Variants in TUNAR observed in about 807,000 individuals in gnomAD.
The protein encoded by TUNAR is protein TUNAR.
At chr14:95,900,512 A>T (rs1440319381) in intron 2 of TUNAR, among the ~76,000 whole-genome samples, 1 of 152,352 alleles carries the variant, frequency 6.6e-6, no homozygotes, top group Non-Finnish European at 1.5e-5. Context: ...TGCTGGCCCC[A>T]GTTGGTGGGA....
At chr14:95,880,539 A>G (rs1297711314) in intron 2 of TUNAR, among the ~76,000 whole-genome samples, 2 of 152,212 alleles carry the variant, frequency 1.3e-5, no homozygotes, top group Admixed American at 6.5e-5. Context: ...TCAATGGGGT[A>G]AGAAGACTAT....
intron 2 of TUNAR, among the ~76,000 whole-genome samples, chr14:95,896,624 G>A (rs1265014827): frequency 6.6e-6 from 1 of 152,200 alleles, no homozygotes; most frequent in African/African-American, 2.4e-5. Context: ...CCTCTGCTCT[G>A]TTTGCCTTAC....
intron 2 of TUNAR, among the ~76,000 whole-genome samples, chr14:95,915,980 C>T (rs1305256524): frequency 6.6e-6 from 1 of 152,064 alleles, no homozygotes; most frequent in Non-Finnish European, 1.5e-5. Context: ...CTTAATATAC[C>T]CAGTCTTTAA....
At chr14:95,876,617 G>C (rs1888882476) in intron 1 of TUNAR, 1 of 152,798 alleles carries the variant, frequency 6.5e-6, no homozygotes, top group South Asian at 2.1e-4. Flanking sequence ...CTGCGCTCTG[G>C]GGCTTGGGGC....
In TUNAR at chr14:95,913,410, A is replaced by C. The variant is rs184203223; in HGVS notation, c.13-9371A>C. ...TCAACTCCCACTTATGAGTGAGAAC[A>C]TGCGGCGTTTGGTTTTCTGTTCCTG... On this transcript the variant is annotated intron_variant, in intron 2 of 2. Coordinates refer to ENST00000678517, the Ensembl canonical transcript of TUNAR. 3.6e-3 allele frequency among the ~76,000 whole-genome samples: 544 copies of C among 152,222 alleles called. 4 individuals carry two copies. Among genetic ancestry groups the C allele is most frequent in the African/African-American group, 0.013 (521 of 41,520 alleles).
At chr14:95,924,607 G>A (rs571135176) in exon 3 of TUNAR, 5 of 152,366 alleles carry the variant, frequency 3.3e-5, no homozygotes, top group East Asian at 1.9e-4. Flanking sequence ...AAGGTGAAAG[G>A]CACGTCTCAC....
chr14:95,897,818 T>G (rs558130207), intron 2 of TUNAR, among the ~76,000 whole-genome samples: 1 of 152,366 alleles, frequency 6.6e-6, no homozygotes, highest in East Asian at 1.9e-4. Context: ...ATCACTTTAT[T>G]GCACAGGATA....
chr14:95,888,188 A>T (rs1451919805), intron 2 of TUNAR, among the ~76,000 whole-genome samples: 1 of 152,218 alleles, frequency 6.6e-6, no homozygotes, highest in East Asian at 1.9e-4. Flanking sequence ...AATGGGCATA[A>T]TAACAACAAT....
At chr14:95,898,693 G>T (rs749157944) in intron 2 of TUNAR, among the ~76,000 whole-genome samples, 3 of 151,960 alleles carry the variant, frequency 2.0e-5, no homozygotes, top group Non-Finnish European at 4.4e-5. Flanking sequence ...TCTTGTCTCT[G>T]ATCATTTCTT....
chr14:95,885,328 G>A (rs1392976771), intron 2 of TUNAR, among the ~76,000 whole-genome samples: 1 of 152,244 alleles, frequency 6.6e-6, no homozygotes, highest in Non-Finnish European at 1.5e-5. Flanking sequence ...GAGGATGAAA[G>A]TAGAGATGTT....
intron 2 of TUNAR, among the ~76,000 whole-genome samples, chr14:95,898,069 T>C (rs1056167485): frequency 6.6e-6 from 1 of 152,184 alleles, no homozygotes; most frequent in Non-Finnish European, 1.5e-5. Flanking sequence ...GTCATTGCTT[T>C]CCTGGGTTGG....
chr14:95,878,197 C>G (rs1017569682), intron 2 of TUNAR, among the ~76,000 whole-genome samples: 1 of 152,250 alleles, frequency 6.6e-6, no homozygotes, highest in Non-Finnish European at 1.5e-5. Context: ...TTCTGAGCCC[C>G]AAAGAAAAGG....
intron 2 of TUNAR, among the ~76,000 whole-genome samples, chr14:95,888,062 CAG>C (rs1889106961): frequency 6.6e-6 from 1 of 152,234 alleles, no homozygotes; most frequent in Admixed American, 6.5e-5. Flanking sequence ...TTCTTCGAGT[CAG>C]ATTGTGAGGC....
intron 2 of TUNAR, among the ~76,000 whole-genome samples, chr14:95,905,570 C>T (rs1013874650): frequency 1.3e-5 from 2 of 152,208 alleles, no homozygotes; most frequent in East Asian, 1.9e-4. Context: ...GTGTGGACAT[C>T]ACTGGTGACA....
At chr14:95,917,866 AGTGTATTTAGGG>A in intron 2 of TUNAR, among the ~76,000 whole-genome samples, 1 of 152,310 alleles carries the variant, frequency 6.6e-6, no homozygotes, top group East Asian at 1.9e-4. Context: ...TAGTATATTT[AGTGTATTTAGGG>A]TTGTGCAACT....
intron 2 of TUNAR, among the ~76,000 whole-genome samples, chr14:95,890,697 T>C (rs1465743039): frequency 1.3e-5 from 2 of 152,218 alleles, no homozygotes; most frequent in African/African-American, 2.4e-5. Context: ...AGTTGAGAAA[T>C]TGGTATAAGA....
intron 2 of TUNAR, among the ~76,000 whole-genome samples, chr14:95,877,873 C>T (rs1203654476): frequency 2.0e-5 from 3 of 152,240 alleles, no homozygotes; most frequent in Non-Finnish European, 2.9e-5. Flanking sequence ...CTTTTTAGTT[C>T]AGGTGAGAGG....
chr14:95,919,131 A>G (rs1465849402), intron 2 of TUNAR, among the ~76,000 whole-genome samples: 2 of 152,178 alleles, frequency 1.3e-5, no homozygotes, highest in African/African-American at 4.8e-5. Flanking sequence ...CAGACTTCTC[A>G]TGACTTTGTG....
chr14:95,923,311 T>C, exon 3 of TUNAR: 1 of 188,238 alleles, frequency 5.3e-6, no homozygotes, highest in East Asian at 1.3e-4. Flanking sequence ...AGATATCACA[T>C]ATTTGAAAAG....
Sources: gnomAD v4.1 joint callset for allele counts (sites outside exome capture counted in the v4.1 genomes callset) on GRCh38, gnomAD v4.1.1 for gene constraint, MANE v1.5 for transcripts, NCBI Gene and HGNC (gene_info 2026-07-23, HGNC 2026-07-21) for gene names.